TESC: variants seen among roughly 807,000 people sequenced by gnomAD.
TESC encodes tescalcin, also known as calcineurin B homologous protein 3.
In TESC, 19 loss-of-function variants were observed where a neutral mutation model predicts 31.0. The observed-to-expected ratio is 0.61, with a 90% CI of 0.43 to 0.90. The LOEUF (loss-of-function observed/expected upper bound fraction) is 0.90. TESC is among the 40% of genes least tolerant of loss of function. The pLI is 0.00. For synonymous variants in TESC, 109 were observed against 114.8 expected (o/e 0.95, Z 0.32); for missense variants, 248 against 303.8 (o/e 0.82, Z 1.36).
chr12:117,075,879 A>ATATATATATATATATATGTGTG (rs1955052403), intron 1 of TESC, among the ~76,000 whole-genome samples: 3 of 9,850 alleles, frequency 3.0e-4, no homozygotes, highest in Non-Finnish European at 5.0e-4. Context: ...ATGTGTGTAT[A>ATATATATATATATATATGTGTG]TATATATATA....
intron 3 of TESC, among the ~76,000 whole-genome samples, chr12:117,055,926 T>C (rs1367771047): frequency 1.3e-5 from 2 of 150,994 alleles, no homozygotes; most frequent in Non-Finnish European, 3.0e-5. Context: ...TTTTTTTTTT[T>C]TTTTTCTTCT....
chr12:117,057,085 G>A (rs1422816343), intron 2 of TESC, among the ~76,000 whole-genome samples, 199 bp from the exon 3 acceptor site: 1 of 152,118 alleles, frequency 6.6e-6, no homozygotes, highest in Non-Finnish European at 1.5e-5. Context: ...GCAAGGGCAG[G>A]GAGGATTTGG....
intron 1 of TESC, among the ~76,000 whole-genome samples, chr12:117,097,145 G>A (rs1375183742): frequency 1.3e-5 from 2 of 152,176 alleles, no homozygotes; most frequent in East Asian, 1.9e-4. Context: ...ACCGAATTAC[G>A]CAGTCCCTTT....
intron 1 of TESC, among the ~76,000 whole-genome samples, chr12:117,085,065 G>C (rs1432644555): frequency 6.6e-6 from 1 of 152,228 alleles, no homozygotes; most frequent in African/African-American, 2.4e-5. Context: ...GGGGCACCAG[G>C]GTTGCAGCGG....
rs780004006 is a variant in TESC at position 117,049,058 on chromosome 12, C to T, written c.310G>A (p.Glu104Lys). The part of the protein sequence containing the change: ...YFRPIDTTMD[E>K]EQVELSRKEK... ...TTCCGGGACAGCTCCACCTGTTCCT[C>T]GTCCATGGTGGTGTCGATGGGCCGG... Residue 104 changes from glutamate (E) to lysine (K), a missense_variant, in exon 4 of 8, where the codon GAG (glutamate) becomes AAG (lysine). Glu to Lys is a moderately conservative substitution (Grantham distance 56). Coordinates refer to ENST00000335209, the MANE Select transcript of TESC (RefSeq NM_017899.4). 5 of 1,614,210 alleles carry T rather than the reference C, an allele frequency of 3.1e-6. No homozygotes were observed. Among genetic ancestry groups the T allele is most frequent in the South Asian group, 1.1e-5 (1 of 91,078 alleles).
At chr12:117,063,569 A>G (rs1228529045) in intron 2 of TESC, among the ~76,000 whole-genome samples, 4 of 152,024 alleles carry the variant, frequency 2.6e-5, no homozygotes, top group African/African-American at 9.7e-5. Flanking sequence ...ACCCCCACCA[A>G]CCACCACAAG....
At position 117,083,553 on chromosome 12, in the gene TESC, C is replaced by A. The variant is rs141893843; in HGVS notation, c.59-8213G>T. Among the ~76,000 whole-genome samples the A allele has an allele frequency of 6.6e-4, 101 of 152,250 alleles. 1 individual carries two copies. Among genetic ancestry groups the A allele is most frequent in the Admixed American group, 2.9e-3 (44 of 15,290 alleles). ...CACATCCAGATGACAGAACATTATT[C>A]AGCAAAAAAAGAAATGAAGCATTGG... On this transcript the variant is annotated intron_variant, in intron 1 of 7. Transcript: ENST00000335209.
Position 117,097,582 on chromosome 12 carries a change from G to C in TESC, c.58+1643C>G, listed in dbSNP as rs534436436. Among the ~76,000 whole-genome samples, 103 of 152,320 alleles carry C rather than the reference G, an allele frequency of 6.8e-4. 1 individual carries two copies. Among genetic ancestry groups the C allele is most frequent in the African/African-American group, 2.4e-3 (100 of 41,570 alleles). ...AATAATAAAAGCAGAGGAGACCCAA[G>C]CAAGTAAGAGCTAGAGGAATCCCTC... On this transcript the variant is annotated intron_variant, in intron 1 of 7. Transcript: ENST00000335209.
At chr12:117,040,365 G>A (rs1237929792) in intron 7 of TESC, among the ~76,000 whole-genome samples, 1 of 152,200 alleles carries the variant, frequency 6.6e-6, no homozygotes, top group Non-Finnish European at 1.5e-5. Context: ...GAAGGAATCA[G>A]GGAATGGGAA....
At chr12:117,085,659 C>A (rs926799045) in intron 1 of TESC, among the ~76,000 whole-genome samples, 1 of 152,158 alleles carries the variant, frequency 6.6e-6, no homozygotes, top group Non-Finnish European at 1.5e-5. Flanking sequence ...AGGACTCAAC[C>A]CAAACACTGG....
At chr12:117,078,043 A>T (rs950424931) in intron 1 of TESC, among the ~76,000 whole-genome samples, 3 of 152,250 alleles carry the variant, frequency 2.0e-5, no homozygotes, top group African/African-American at 7.2e-5. Flanking sequence ...TTAAAATTGT[A>T]ATTCCACTTG....
intron 1 of TESC, among the ~76,000 whole-genome samples, chr12:117,078,793 T>G (rs915298961): frequency 6.6e-6 from 1 of 152,210 alleles, no homozygotes; most frequent in Non-Finnish European, 1.5e-5. Context: ...AAAGACTGTT[T>G]TGCTTTTGGT....
chr12:117,040,805 A>G (rs1954471308), intron 7 of TESC, among the ~76,000 whole-genome samples: 1 of 152,086 alleles, frequency 6.6e-6, no homozygotes, highest in African/African-American at 2.4e-5. Flanking sequence ...GCCGGTTCTA[A>G]CCGTTGGCTG....
chr12:117,097,451 G>T lies in TESC; in HGVS notation c.58+1774C>A, dbSNP rs1198026216. Reference sequence around the variant, plus strand: ...GGTGGAATTCCCGAGTGCCCCGTGGGCTGCCGGAGAGCCCACCCTTCCAAC... The same window carrying T: ...GGTGGAATTCCCGAGTGCCCCGTGGTCTGCCGGAGAGCCCACCCTTCCAAC... On this transcript the variant is annotated intron_variant, in intron 1 of 7. Transcript: ENST00000335209. Among the ~76,000 whole-genome samples, 5 of 152,272 alleles carry T rather than the reference G, an allele frequency of 3.3e-5. No homozygotes were observed. In the East Asian group the frequency reaches 9.7e-4, roughly 29 times the overall value.
At chr12:117,085,577 G>A (rs1955209962) in intron 1 of TESC, among the ~76,000 whole-genome samples, 1 of 152,190 alleles carries the variant, frequency 6.6e-6, no homozygotes, top group African/African-American at 2.4e-5. Context: ...ACACCAAGGG[G>A]CATCACTGGG....
At chr12:117,046,962 G>C in intron 4 of TESC, 124 bp from the exon 5 acceptor site, 2 of 1,035,888 alleles carry the variant, frequency 1.9e-6, no homozygotes, top group Non-Finnish European at 2.8e-6. Context: ...AGCCAGAGGG[G>C]TCAGGGCATG....
In TESC at chr12:117,075,887, A is replaced by ATATATATATATATATATGTGTGTGTGTG. The variant is rs1565971503; in HGVS notation, c.59-548_59-547insCACACACACACATATATATATATATATA. The stretch of plus-strand genomic sequence containing the variant: ...TATATATATGTGTGTATATATATAT[A>ATATATATATATATATATGTGTGTGTGTG]TATATATATATATATATATATATAT... On this transcript the variant is annotated intron_variant, in intron 1 of 7. Coordinates refer to ENST00000335209, the MANE Select transcript of TESC (RefSeq NM_017899.4). Among the ~76,000 whole-genome samples, 31 of 62,426 alleles carry ATATATATATATATATATGTGTGTGTGTG rather than the reference A, an allele frequency of 5.0e-4. 2 individuals carry two copies. Among genetic ancestry groups the ATATATATATATATATATGTGTGTGTGTG allele is most frequent in the African/African-American group, 2.9e-3 (30 of 10,210 alleles). The allele number at this position is 62,426 out of a possible 152,430, so 41.0% of individuals were successfully genotyped here.
intron 1 of TESC, among the ~76,000 whole-genome samples, chr12:117,081,911 GA>G (rs942442573): frequency 1.3e-5 from 2 of 149,904 alleles, no homozygotes; most frequent in African/African-American, 4.9e-5. Flanking sequence ...GTCTCAAAAA[GA>G]AAAAAAAAGA....
intron 2 of TESC, among the ~76,000 whole-genome samples, chr12:117,072,514 A>T (rs527323556): frequency 3.9e-5 from 6 of 152,242 alleles, no homozygotes; most frequent in Non-Finnish European, 8.8e-5. Flanking sequence ...ATTCTAATAC[A>T]GTTGGACTCC....
Sources: allele counts gnomAD v4.1 joint callset (sites outside exome capture counted in the v4.1 genomes callset), GRCh38; gene constraint gnomAD v4.1.1; transcripts MANE v1.5; gene names NCBI Gene and HGNC (gene_info 2026-07-23, HGNC 2026-07-21).